The following DOK5 variants were observed in gnomAD, a reference collection of about 807,000 sequenced individuals.
DOK5 encodes the protein docking protein 5.
In DOK5, 27 loss-of-function variants were observed where a neutral mutation model predicts 43.3. That is an observed-to-expected ratio of 0.62 (90% CI 0.46 to 0.86). DOK5 has a LOEUF of 0.86. DOK5 is among the 40% of genes least tolerant of loss of function. The probability of loss-of-function intolerance (pLI) is 0.00; values close to 1 mark genes in which losing one functional copy is unlikely to be tolerated. For missense variants in DOK5, 373 were observed against 392.9 expected (o/e 0.95, Z 0.43); for synonymous variants, 146 against 140.1 (o/e 1.04, Z -0.30).
chr20:54,558,800 T>C (rs1254355960), intron 2 of DOK5, among the ~76,000 whole-genome samples: 2 of 152,128 alleles, frequency 1.3e-5, no homozygotes, highest in African/African-American at 4.8e-5. Context: ...TTTTTAAAGA[T>C]ATTATTAAGA....
intron 1 of DOK5, among the ~76,000 whole-genome samples, chr20:54,543,117 A>G (rs1421656794): frequency 6.6e-6 from 1 of 152,230 alleles, no homozygotes; most frequent in Non-Finnish European, 1.5e-5. Flanking sequence ...GTGTTAAAAG[A>G]TAATTTTCAA....
chr20:54,494,064 T>C (rs1023029169), intron 1 of DOK5, among the ~76,000 whole-genome samples: 1 of 152,262 alleles, frequency 6.6e-6, no homozygotes. Flanking sequence ...AGTGTTGTTT[T>C]GATGATTTTA....
chr20:54,646,664 T>C (rs887570809), intron 7 of DOK5, among the ~76,000 whole-genome samples: 28 of 152,146 alleles, frequency 1.8e-4, no homozygotes, highest in African/African-American at 6.0e-4. Flanking sequence ...TTTAAACAAG[T>C]ACATTTAAAA....
At chr20:54,505,664 G>GAGAA (rs1363968757) in intron 1 of DOK5, among the ~76,000 whole-genome samples, 1 of 152,060 alleles carries the variant, frequency 6.6e-6, no homozygotes, top group African/African-American at 2.4e-5. Flanking sequence ...GAGAGAAAGA[G>GAGAA]AGAGTATAGG....
intron 1 of DOK5, among the ~76,000 whole-genome samples, chr20:54,521,001 C>T (rs960390219): frequency 1.3e-5 from 2 of 151,966 alleles, no homozygotes; most frequent in African/African-American, 2.4e-5. Flanking sequence ...TTTGCACTTA[C>T]CCTCTCCTAA....
intron 5 of DOK5, among the ~76,000 whole-genome samples, chr20:54,605,134 C>G (rs1307692044): frequency 2.0e-5 from 3 of 150,176 alleles, no homozygotes; most frequent in African/African-American, 7.5e-5. Flanking sequence ...CACAAACACA[C>G]ACAGAGAGAG....
chr20:54,496,765 C>CAAAAAAAAAA (rs74179280), intron 1 of DOK5, among the ~76,000 whole-genome samples: 30 of 59,354 alleles, frequency 5.1e-4, no homozygotes, highest in South Asian at 7.1e-4. Context: ...GACTCCGTCT[C>CAAAAAAAAAA]AAAAAAAAAA....
intron 5 of DOK5, among the ~76,000 whole-genome samples, chr20:54,606,136 T>A (rs1240984706): frequency 6.6e-6 from 1 of 152,212 alleles, no homozygotes; most frequent in African/African-American, 2.4e-5. Context: ...AATTGAATAA[T>A]CCATGATTCG....
intron 1 of DOK5, among the ~76,000 whole-genome samples, chr20:54,505,714 C>A (rs2146682437): frequency 6.6e-6 from 1 of 152,140 alleles, no homozygotes; most frequent in South Asian, 2.1e-4. Flanking sequence ...ATTAGGGAAC[C>A]TTCACTGAAA....
intron 2 of DOK5, among the ~76,000 whole-genome samples, chr20:54,559,890 G>T (rs188752565): frequency 1.3e-5 from 2 of 152,234 alleles, no homozygotes; most frequent in Non-Finnish European, 2.9e-5. Flanking sequence ...ATTTGAAAAG[G>T]GAACAACTCT....
intron 6 of DOK5, among the ~76,000 whole-genome samples, chr20:54,638,556 A>G (rs1978949804): frequency 6.6e-6 from 1 of 152,136 alleles, no homozygotes; most frequent in South Asian, 2.1e-4. Flanking sequence ...GATGTCCCCC[A>G]TGGTTCTTCC....
intron 6 of DOK5, among the ~76,000 whole-genome samples, chr20:54,632,470 A>G (rs1978616033): frequency 6.6e-6 from 1 of 152,230 alleles, no homozygotes; most frequent in Non-Finnish European, 1.5e-5. Flanking sequence ...AATATTGGCA[A>G]TAACCATGGA....
chr20:54,553,184 T>C (rs1245594665), intron 1 of DOK5, among the ~76,000 whole-genome samples: 1 of 152,240 alleles, frequency 6.6e-6, no homozygotes, highest in Non-Finnish European at 1.5e-5. Context: ...GGTTTTTTCC[T>C]AAGGATAGAT....
intron 2 of DOK5, among the ~76,000 whole-genome samples, chr20:54,558,725 T>G (rs973096777): frequency 2.0e-5 from 3 of 152,170 alleles, no homozygotes; most frequent in African/African-American, 7.2e-5. Flanking sequence ...GTGTGGTGGA[T>G]GCAGACATAT....
intron 5 of DOK5, among the ~76,000 whole-genome samples, chr20:54,592,833 G>A (rs1337695454): frequency 1.3e-5 from 2 of 152,108 alleles, no homozygotes; most frequent in African/African-American, 2.4e-5. Flanking sequence ...CGCCCGGCCA[G>A]ATAAATTTTC....
intron 1 of DOK5, among the ~76,000 whole-genome samples, chr20:54,490,864 A>C (rs745517369): frequency 1.3e-5 from 2 of 152,276 alleles, no homozygotes; most frequent in Non-Finnish European, 2.9e-5. Context: ...CTGGGATTAC[A>C]GGCGTGAGCC....
At chr20:54,483,013 G>A (rs1034551694) in intron 1 of DOK5, among the ~76,000 whole-genome samples, 1 of 152,146 alleles carries the variant, frequency 6.6e-6, no homozygotes, top group Non-Finnish European at 1.5e-5. Flanking sequence ...GGCTTCATTT[G>A]AATCAGCTTC....
chr20:54,645,329 C>T (rs1488706446), intron 7 of DOK5, among the ~76,000 whole-genome samples: 1 of 103,758 alleles, frequency 9.6e-6, no homozygotes, highest in Non-Finnish European at 2.0e-5. Flanking sequence ...GTCCTCCATG[C>T]CCGCTCTGAA....
intron 6 of DOK5, among the ~76,000 whole-genome samples, chr20:54,636,606 G>A (rs750620571): frequency 5.3e-5 from 8 of 152,068 alleles, no homozygotes; most frequent in South Asian, 2.1e-4. Flanking sequence ...CAACCAATCA[G>A]CAGCCCCCAT....
Sources: allele counts gnomAD v4.1 joint callset (sites outside exome capture counted in the v4.1 genomes callset), GRCh38; gene constraint gnomAD v4.1.1; transcripts MANE v1.5; gene names NCBI Gene and HGNC (gene_info 2026-07-23, HGNC 2026-07-21).